C1QL1: variants seen among roughly 807,000 people sequenced by gnomAD.
C1QL1 encodes complement C1q like 1.
In C1QL1, 15 loss-of-function variants were observed where a neutral mutation model predicts 14.2. The ratio of observed to expected loss-of-function variants is 1.06; its 90% confidence interval spans 0.71 to 1.62. C1QL1 has a LOEUF of 1.62. Among genes scored for constraint, C1QL1 ranks in the 40% most tolerant of loss-of-function variants. The probability of loss-of-function intolerance (pLI) is 0.00; values close to 1 mark genes in which losing one functional copy is unlikely to be tolerated. For synonymous variants in C1QL1, 172 were observed against 172.4 expected, an observed-to-expected ratio of 1.00 and a Z score of 0.02; for missense variants, 346 against 380.3, an observed-to-expected ratio of 0.91 and a Z score of 0.75.
At chr17:44,964,271 G>A (rs1176862236) in intron 1 of C1QL1, among the ~76,000 whole-genome samples, 2 of 152,206 alleles carry the variant, frequency 1.3e-5, no homozygotes, top group Non-Finnish European at 2.9e-5. Flanking sequence ...GCTCAGGGTG[G>A]CCCCTGGTTC....
chr17:44,960,422 A>G, intron 1 of C1QL1, 55 bp from the exon 2 acceptor site: 1 of 1,328,250 alleles, frequency 7.5e-7, no homozygotes, highest in Non-Finnish European at 1.1e-6. Context: ...ATGAGAAGGG[A>G]GGGAGGTGAG....
intron 1 of C1QL1, among the ~76,000 whole-genome samples, chr17:44,965,493 G>A (rs941935964): frequency 7.2e-5 from 11 of 152,168 alleles, no homozygotes; most frequent in Non-Finnish European, 1.2e-4. Flanking sequence ...AACTATTAAA[G>A]TGCTGGGCCT....
Position 44,967,815 on chromosome 17 carries a change from G to C in C1QL1, c.234C>G (p.Pro78=). ...PQGKPGRTGK[P]GPPGPPGDPG... ...GGTCCCCGGGAGGCCCCGGAGGGCC[G>C]GGCTTGCCGGTGCGGCCCGGCTTCC... Residue 78 remains proline, a synonymous_variant, in exon 1 of 2, where the codon CCC becomes CCG. Transcript: ENST00000253407. This position sits in a 1 kb window ranked among gnomAD's most constrained non-coding sequence, Gnocchi z 7.0. 1 of 1,405,126 alleles carries C rather than the reference G, an allele frequency of 7.1e-7. No homozygotes were observed. Among genetic ancestry groups the C allele is most frequent in the South Asian group, 1.6e-5 (1 of 63,618 alleles). 87.0% of individuals were successfully genotyped at this position (1,405,126 alleles called of 1,614,324 possible). A position where few individuals can be genotyped will look rare whatever the true frequency, so the allele number is the denominator to read the frequency against.
At position 44,960,223 on chromosome 17, in the gene C1QL1, T is replaced by G. The variant is rs748023490; in HGVS notation, c.742A>C (p.Ser248Arg). 2 of 1,614,120 alleles carry G rather than the reference T, an allele frequency of 1.2e-6. No homozygotes were observed. Among genetic ancestry groups the G allele is most frequent in the Non-Finnish European group, 1.7e-6 (2 of 1,180,002 alleles). ...TAGATGATGAAGCCAGAGAACGTGC[T>G]GTATTTGTTGCTGTTGCCGCCGTGT... ...KAHGGNSNKYSTFSGFIIYSD is the reference protein window; with the variant it reads ...KAHGGNSNKYRTFSGFIIYSD The change falls in exon 2 of 2, where the codon AGC (serine) becomes CGC (arginine). Residue 248 changes from serine to arginine, a missense_variant. By Grantham distance (110) the Ser-to-Arg change is moderately radical. Coordinates refer to ENST00000253407, the MANE Select transcript of C1QL1 (RefSeq NM_006688.5).
At position 44,960,069 on chromosome 17, in the gene C1QL1, G is replaced by T; in HGVS notation, c.*119C>A. On this transcript the variant is annotated 3_prime_UTR_variant, in exon 2 of 2. Coordinates refer to ENST00000253407, the MANE Select transcript of C1QL1 (RefSeq NM_006688.5). The stretch of plus-strand genomic sequence containing the variant: ...AGGCGGTGTTGAGCACGGGCCGGGG[G>T]CGTCATAGCCGGGGAGGGCCGGGCA... The T allele has an allele frequency of 1.1e-6, 1 of 883,974 alleles. No homozygotes were observed. Among genetic ancestry groups the T allele is most frequent in the Non-Finnish European group, 1.9e-6 (1 of 539,644 alleles). The allele number at this position is 883,974 out of a possible 1,614,324, so 54.8% of individuals were successfully genotyped here.
At chr17:44,960,424 G>T in intron 1 of C1QL1, 57 bp from the exon 2 acceptor site, 1 of 1,326,080 alleles carries the variant, frequency 7.5e-7, no homozygotes, top group Non-Finnish European at 1.1e-6. Context: ...GAGAAGGGAG[G>T]GAGGTGAGGC....
intron 1 of C1QL1, among the ~76,000 whole-genome samples, chr17:44,966,114 G>A (rs953495074): frequency 1.3e-5 from 2 of 152,236 alleles, no homozygotes; most frequent in Admixed American, 1.3e-4. Flanking sequence ...AGACACAGGA[G>A]AGAGATGGAC....
chr17:44,959,798 CCGGGCG>C lies in C1QL1; in HGVS notation c.*384_*389del. 1 of 197,696 alleles carries C rather than the reference CCGGGCG, an allele frequency of 5.1e-6. No homozygotes were observed. The highest frequency in any genetic ancestry group is 5.9e-5 in the Admixed American group (1 of 16,862). The allele number at this position is 197,696 out of a possible 1,614,324, so 12.2% of individuals were successfully genotyped here. A position where few individuals can be genotyped will look rare whatever the true frequency, so the allele number is the denominator to read the frequency against. Reference sequence around the variant, plus strand: ...ATCCAGCCCCCAACTCCCCCCTCCCCCGGGCGCGCCACCCCGGAGGGAGCGGAGGGC... The same window carrying C: ...ATCCAGCCCCCAACTCCCCCCTCCCCCGCCACCCCGGAGGGAGCGGAGGGC... On this transcript the variant is annotated 3_prime_UTR_variant, in exon 2 of 2. Transcript: ENST00000253407.
chr17:44,960,841 C>T (rs1007190), intron 1 of C1QL1, among the ~76,000 whole-genome samples: 20,583 of 152,248 alleles, frequency 0.14, 1,455 homozygotes, highest in East Asian at 0.19. Context: ...CACAAGGGCA[C>T]ACCTTGGCCC....
In C1QL1 at chr17:44,960,378, G is replaced by A. The variant is rs1308825612; in HGVS notation, c.598-11C>T. Reference sequence around the variant, plus strand: ...AGCACTGGCCCGCACCTGCGGGTGGGGGACACGGGAGGGAGGGCGAGAGGA... The same window carrying A: ...AGCACTGGCCCGCACCTGCGGGTGGAGGACACGGGAGGGAGGGCGAGAGGA... On this transcript the variant is annotated splice_polypyrimidine_tract_variant and intron_variant, in intron 1 of 1. Transcript: ENST00000253407. The A allele has an allele frequency of 2.2e-5, 35 of 1,609,640 alleles. No homozygotes were observed. The highest frequency in any genetic ancestry group is 2.9e-5 in the Non-Finnish European group (34 of 1,176,896).
In C1QL1 at chr17:44,960,248, T is replaced by G; in HGVS notation, c.717A>C (p.Ala239=). The change falls in exon 2 of 2, where the codon GCA becomes GCC. Residue 239 remains alanine, a synonymous_variant. Coordinates refer to ENST00000253407, the MANE Select transcript of C1QL1 (RefSeq NM_006688.5). ...EVFIKLDGGK[A]HGGNSNKYST... is the part of the protein sequence containing the mutation. ...TGTATTTGTTGCTGTTGCCGCCGTG[T>G]GCTTTGCCTCCATCCAGCTTGATGA... is the stretch of plus-strand genomic sequence containing the variant. 6.2e-7 allele frequency: 1 copy of G among 1,614,172 alleles called. No individual in the cohort carries two copies.
chr17:44,967,999 C>A lies in C1QL1; in HGVS notation c.50G>T (p.Gly17Val). The change falls in exon 1 of 2, where the codon GGC becomes GTC. Residue 17 changes from glycine to valine, a missense_variant. Transcript: ENST00000253407. The surrounding 1 kb of genome is among the most constrained non-coding windows in gnomAD (Gnocchi z 7.0). ...CAGCATCTCATAGTGGCCTTCCGGG[C>A]CGCCCGAGCTCACCAGCACGGGGAT... ...VLIPVLVSSG[G>V]PEGHYEMLGT... 7.2e-7 allele frequency: 1 copy of A among 1,387,494 alleles called. No homozygotes were observed. Among genetic ancestry groups the A allele is most frequent in the Non-Finnish European group, 9.4e-7 (1 of 1,066,996 alleles). The allele number at this position is 1,387,494 out of a possible 1,614,324, so 85.9% of individuals were successfully genotyped here.
At chr17:44,965,032 A>ATTT (rs2052649970) in intron 1 of C1QL1, among the ~76,000 whole-genome samples, 1 of 138,438 alleles carries the variant, frequency 7.2e-6, no homozygotes. Context: ...TTTTTTTTTG[A>ATTT]GACGGAGTCT....
intron 1 of C1QL1, among the ~76,000 whole-genome samples, chr17:44,966,843 A>T (rs1259072601): frequency 7.0e-6 from 1 of 142,656 alleles, no homozygotes; most frequent in East Asian, 2.2e-4. Context: ...AAGCTCTGCT[A>T]CAGTGGGAAA....
intron 1 of C1QL1, among the ~76,000 whole-genome samples, chr17:44,963,831 C>T (rs1381151071): frequency 6.6e-6 from 1 of 152,176 alleles, no homozygotes; most frequent in African/African-American, 2.4e-5. Flanking sequence ...ACTCACCTCC[C>T]CACAGCCTCC....
chr17:44,960,218 C>A lies in C1QL1; in HGVS notation c.747G>T (p.Thr249=). 2 of 1,614,156 alleles carry A rather than the reference C, an allele frequency of 1.2e-6. No individual in the cohort carries two copies. The highest frequency in any genetic ancestry group is 1.3e-5 in the African/African-American group (1 of 75,044). ...AHGGNSNKYS[T]FSGFIIYSD is the part of the protein sequence containing the mutation. The stretch of plus-strand genomic sequence containing the variant: ...CGGAGTAGATGATGAAGCCAGAGAA[C>A]GTGCTGTATTTGTTGCTGTTGCCGC... The change falls in exon 2 of 2, where the codon ACG becomes ACT. Residue 249 remains threonine (T), a synonymous_variant. Coordinates refer to ENST00000253407, the MANE Select transcript of C1QL1 (RefSeq NM_006688.5).
At position 44,960,271 on chromosome 17, in the gene C1QL1, T is replaced by C. The variant is rs2052620191; in HGVS notation, c.694A>G (p.Ile232Val). ...TGTGCTTTGCCTCCATCCAGCTTGA[T>C]GAAGACCTCGTCGCCGGCGTCCAGG... The part of the protein sequence containing the change: ...LHLDAGDEVF[I>V]KLDGGKAHGG... The change falls in exon 2 of 2, where the codon ATC (isoleucine) becomes GTC (valine). Residue 232 changes from isoleucine (I) to valine (V), a missense_variant. Coordinates refer to ENST00000253407, the MANE Select transcript of C1QL1 (RefSeq NM_006688.5). 4 of 1,614,160 alleles carry C rather than the reference T, an allele frequency of 2.5e-6. No homozygotes were observed. The highest frequency in any genetic ancestry group is 3.4e-6 in the Non-Finnish European group (4 of 1,179,996).
rs1427536058 is a variant in C1QL1 at position 44,968,044 on chromosome 17, AGCATCACCACACCCGCG to A, written c.-13_4del. 10 of 1,339,914 alleles carry A rather than the reference AGCATCACCACACCCGCG, an allele frequency of 7.5e-6. No homozygotes were observed. Among genetic ancestry groups the A allele is most frequent in the Non-Finnish European group, 9.6e-6 (10 of 1,044,030 alleles). 83.0% of individuals were successfully genotyped at this position (1,339,914 alleles called of 1,614,324 possible). ...GGGGATGAGCACCACCAGCACCAGC[AGCATCACCACACCCGCG>A]GCGGCCGCTAGCAGCGTCTTTCGGC... On this transcript the variant is annotated start_lost and 5_prime_UTR_variant, in exon 1 of 2. Coordinates refer to ENST00000253407, the MANE Select transcript of C1QL1 (RefSeq NM_006688.5).
At chr17:44,965,255 A>C (rs2052651804) in intron 1 of C1QL1, among the ~76,000 whole-genome samples, 1 of 152,046 alleles carries the variant, frequency 6.6e-6, no homozygotes, top group South Asian at 2.1e-4. Context: ...CTCATGATCC[A>C]CTTGCCTCGG....
Sources: gnomAD v4.1 joint callset for allele counts (sites outside exome capture counted in the v4.1 genomes callset) on GRCh38, gnomAD v4.1.1 for gene constraint, Gnocchi (gnomAD v3.1) non-coding constraint, MANE v1.5 for transcripts, NCBI Gene and HGNC (gene_info 2026-07-23, HGNC 2026-07-21) for gene names.